APBA1: variants seen among roughly 807,000 people sequenced by gnomAD.
APBA1 encodes amyloid-beta A4 precursor protein-binding family A member 1.
APBA1 carries 55 observed loss-of-function variants against 86.6 expected under a neutral mutation model. The observed-to-expected ratio is 0.64, with a 90% confidence interval of 0.51 to 0.80. The LOEUF is 0.80. Ranked by LOEUF, APBA1 falls within the 30% of genes least tolerant of loss-of-function variation. The pLI, the probability that APBA1 is intolerant of heterozygous loss-of-function variation, is 0.00. For missense variants in APBA1, 1,090 were observed against 1,183.0 expected (o/e 0.92, Z 1.15); for synonymous variants, 511 against 493.9 (o/e 1.03, Z -0.46).
At chr9:69,656,234 A>G (rs911171325) in intron 1 of APBA1, among the ~76,000 whole-genome samples, 17 of 152,210 alleles carry the variant, frequency 1.1e-4, no homozygotes, top group African/African-American at 4.1e-4. Flanking sequence ...CTAAAGCTAA[A>G]TGTATACCTG....
intron 2 of APBA1, among the ~76,000 whole-genome samples, chr9:69,489,893 C>T (rs1269689506): frequency 9.2e-5 from 14 of 152,140 alleles, no homozygotes; most frequent in East Asian, 3.9e-4. Context: ...TAAACTAGTT[C>T]AACCCTTGTG....
At chr9:69,484,700 A>G (rs1320111590) in intron 2 of APBA1, among the ~76,000 whole-genome samples, 1 of 151,934 alleles carries the variant, frequency 6.6e-6, no homozygotes, top group Non-Finnish European at 1.5e-5. Flanking sequence ...CTCCCCCAAG[A>G]GCTCTCAGGA....
intron 2 of APBA1, among the ~76,000 whole-genome samples, chr9:69,487,108 T>C (rs535104326): frequency 3.9e-5 from 6 of 152,052 alleles, no homozygotes; most frequent in African/African-American, 1.4e-4. Flanking sequence ...TCCTTCCAAA[T>C]AGATGATGAA....
chr9:69,655,440 A>G (rs1051159557), intron 1 of APBA1, among the ~76,000 whole-genome samples: 3 of 152,126 alleles, frequency 2.0e-5, no homozygotes, highest in Non-Finnish European at 4.4e-5. Context: ...CTATATACCA[A>G]TAACAAACTA....
At chr9:69,489,879 A>C (rs1419952573) in intron 2 of APBA1, among the ~76,000 whole-genome samples, 1 of 152,172 alleles carries the variant, frequency 6.6e-6, no homozygotes. Context: ...TGTTGGTGGG[A>C]CTATAAACTA....
chr9:69,514,984 G>A (rs577597393), intron 2 of APBA1, among the ~76,000 whole-genome samples: 22 of 152,146 alleles, frequency 1.4e-4, no homozygotes, highest in Non-Finnish European at 2.8e-4. Context: ...CTCCAAAGAG[G>A]GCACACTACC....
intron 1 of APBA1, among the ~76,000 whole-genome samples, chr9:69,666,438 C>T (rs771270305): frequency 4.0e-5 from 6 of 151,540 alleles, no homozygotes; most frequent in African/African-American, 9.7e-5. Context: ...TTTTATTCTT[C>T]GTCATAGCAC....
chr9:69,594,597 G>C (rs2133967796), intron 1 of APBA1, among the ~76,000 whole-genome samples: 1 of 152,026 alleles, frequency 6.6e-6, no homozygotes, highest in African/African-American at 2.4e-5. Context: ...AATATTCTTG[G>C]GTACAACATG....
intron 5 of APBA1, chr9:69,460,884 C>T (rs1348381467): frequency 2.0e-5 from 3 of 152,124 alleles, no homozygotes; most frequent in African/African-American, 7.2e-5. Flanking sequence ...CATGTGCCAC[C>T]ACACCCAGCT....
At chr9:69,439,851 G>C (rs1186413027) in intron 11 of APBA1, among the ~76,000 whole-genome samples, 2 of 152,210 alleles carry the variant, frequency 1.3e-5, no homozygotes, top group East Asian at 3.8e-4. Context: ...TGCAGGAGGA[G>C]AGGTGCTCTG....
chr9:69,455,514 G>A (rs1835081228), intron 8 of APBA1, among the ~76,000 whole-genome samples: 2 of 152,042 alleles, frequency 1.3e-5, no homozygotes, highest in Admixed American at 1.3e-4. Flanking sequence ...GGCTTCTGTT[G>A]TAAACAAATT....
At chr9:69,546,856 G>A (rs1836705796) in intron 1 of APBA1, among the ~76,000 whole-genome samples, 1 of 152,186 alleles carries the variant, frequency 6.6e-6, no homozygotes, top group Non-Finnish European at 1.5e-5. Flanking sequence ...TGAAGGCAAT[G>A]CTGATATGCA....
chr9:69,667,747 ACT>A (rs1263004169), intron 1 of APBA1, among the ~76,000 whole-genome samples: 1 of 150,346 alleles, frequency 6.7e-6, no homozygotes, highest in Non-Finnish European at 1.5e-5. Flanking sequence ...GATATATCAT[ACT>A]CTCTCTCCTT....
chr9:69,495,661 G>C (rs751095412), intron 2 of APBA1, among the ~76,000 whole-genome samples: 1 of 152,068 alleles, frequency 6.6e-6, no homozygotes, highest in Non-Finnish European at 1.5e-5. Flanking sequence ...TCTGGCAGCA[G>C]CACCTACTAT....
chr9:69,621,241 T>G (rs568442410), intron 1 of APBA1, among the ~76,000 whole-genome samples: 1 of 152,346 alleles, frequency 6.6e-6, no homozygotes, highest in South Asian at 2.1e-4. Context: ...GTGGGATTTC[T>G]TAAAGTGCTA....
chr9:69,460,526 T>C (rs184363585), intron 5 of APBA1: 18 of 152,282 alleles, frequency 1.2e-4, no homozygotes, highest in Admixed American at 5.2e-4. Context: ...GGCAGTAATA[T>C]AGGAATTTCC....
intron 1 of APBA1, among the ~76,000 whole-genome samples, chr9:69,644,909 G>A (rs1046050008): frequency 6.6e-6 from 1 of 152,140 alleles, no homozygotes. Flanking sequence ...CAGGGTAGAA[G>A]ATGATTATGG....
intron 1 of APBA1, among the ~76,000 whole-genome samples, chr9:69,560,108 C>G (rs1172720420): frequency 5.3e-5 from 8 of 152,186 alleles, no homozygotes; most frequent in Admixed American, 5.2e-4. Flanking sequence ...TCAACTGCCC[C>G]TGCATGCGTG....
At chr9:69,458,454 A>G (rs1835136517) in intron 5 of APBA1, among the ~76,000 whole-genome samples, 2 of 152,148 alleles carry the variant, frequency 1.3e-5, no homozygotes, top group Non-Finnish European at 2.9e-5. Flanking sequence ...CCAAATAACC[A>G]AGTTTTGGTT....
Sources: gnomAD v4.1 joint callset for allele counts (sites outside exome capture counted in the v4.1 genomes callset) on GRCh38, gnomAD v4.1.1 for gene constraint, MANE v1.5 for transcripts, NCBI Gene and HGNC (gene_info 2026-07-23, HGNC 2026-07-21) for gene names.